Variants in BRAF observed in about 807,000 individuals in gnomAD.
The protein encoded by BRAF is B-Raf proto-oncogene, serine/threonine kinase, also known as serine/threonine-protein kinase B-raf.
In BRAF, 16 loss-of-function variants were observed where a neutral mutation model predicts 104.6. That is an observed-to-expected ratio of 0.15 (90% CI 0.10 to 0.23). BRAF has a LOEUF of 0.23. BRAF is among the 10% of genes least tolerant of loss of function. The pLI is 1.00. For missense variants in BRAF, 541 were observed against 937.3 expected (o/e 0.58, Z 5.52); for synonymous variants, 310 against 341.6 (o/e 0.91, Z 1.02).
intron 1 of BRAF, among the ~76,000 whole-genome samples, chr7:140,853,409 T>C (rs2129076201): frequency 6.6e-6 from 1 of 152,122 alleles, no homozygotes; most frequent in Admixed American, 6.6e-5. Flanking sequence ...TGTCATTCTC[T>C]TGCTCAAAAC....
Position 140,721,965 on chromosome 7 carries a change from A to C in BRAF, c.*4529T>G. The C allele has an allele frequency of 1.6e-6, 2 of 1,220,468 alleles. No homozygotes were observed. The highest frequency in any genetic ancestry group is 2.0e-6 in the Non-Finnish European group (2 of 981,096). 75.6% of individuals were successfully genotyped at this position (1,220,468 alleles called of 1,614,324 possible). A position where few individuals can be genotyped will look rare whatever the true frequency, so the allele number is the denominator to read the frequency against. On this transcript the variant is annotated 3_prime_UTR_variant, in exon 20 of 20. Coordinates refer to ENST00000644969, the MANE Select transcript of BRAF (RefSeq NM_001374258.1). Reference sequence around the variant, plus strand: ...GTCTAGGTTGGCAGCAGTACTCTGGAAACTGATAAAACCAAATTCGGTCCT... The same window carrying C: ...GTCTAGGTTGGCAGCAGTACTCTGGCAACTGATAAAACCAAATTCGGTCCT...
chr7:140,765,904 G>C (rs1242927099), intron 14 of BRAF, among the ~76,000 whole-genome samples: 2 of 143,430 alleles, frequency 1.4e-5, no homozygotes, highest in Non-Finnish European at 3.0e-5. Context: ...ATTCCTCAGG[G>C]ATCTAGAACT....
chr7:140,880,332 GT>G (rs1485868877), intron 1 of BRAF, among the ~76,000 whole-genome samples: 1 of 152,174 alleles, frequency 6.6e-6, no homozygotes, highest in African/African-American at 2.4e-5. Context: ...ATTTCTTCAA[GT>G]TTTACCATGA....
intron 1 of BRAF, among the ~76,000 whole-genome samples, chr7:140,917,161 A>T (rs1817718950): frequency 6.6e-6 from 1 of 152,160 alleles, no homozygotes; most frequent in African/African-American, 2.4e-5. Flanking sequence ...CCCGGGTTCA[A>T]GTGTTTCTCC....
chr7:140,816,407 A>C (rs1804889258), intron 3 of BRAF, among the ~76,000 whole-genome samples: 1 of 152,214 alleles, frequency 6.6e-6, no homozygotes, highest in Non-Finnish European at 1.5e-5. Flanking sequence ...TATTCCATTG[A>C]AACTATTTAT....
At chr7:140,850,859 G>C (rs1809086811) in intron 1 of BRAF, among the ~76,000 whole-genome samples, 1 of 152,124 alleles carries the variant, frequency 6.6e-6, no homozygotes, top group African/African-American at 2.4e-5. Context: ...ATCTGCTTAA[G>C]AACTGGTTCT....
rs1275388154 is a variant in BRAF at position 140,722,216 on chromosome 7, C to T, written c.*4278G>A. 1 of 1,056,118 alleles carries T rather than the reference C, an allele frequency of 9.5e-7. No homozygotes were observed. The highest frequency in any genetic ancestry group is 1.7e-5 in the African/African-American group (1 of 60,594). 65.4% of individuals were successfully genotyped at this position (1,056,118 alleles called of 1,614,324 possible). Reference sequence around the variant, plus strand: ...ATCTGACTATACTAGGGATTATGTGCTTTAAAAAAATAATTTTGTTCACTG... The same window carrying T: ...ATCTGACTATACTAGGGATTATGTGTTTTAAAAAAATAATTTTGTTCACTG... On this transcript the variant is annotated 3_prime_UTR_variant, in exon 20 of 20. Coordinates refer to ENST00000644969, the MANE Select transcript of BRAF (RefSeq NM_001374258.1).
At chr7:140,713,857 G>A in the BRAF span, among the ~76,000 whole-genome samples, 1 of 152,168 alleles carries the variant, frequency 6.6e-6, no homozygotes, top group Non-Finnish European at 1.5e-5. Flanking sequence ...GTCTGTTGGA[G>A]TTTGCTAGAG....
chr7:140,780,607 A>G (rs907199108), intron 12 of BRAF: 5 of 152,186 alleles, frequency 3.3e-5, no homozygotes, highest in African/African-American at 7.2e-5. Context: ...GGTATCTTAC[A>G]CATACTGCTT....
At chr7:140,746,100 G>A (rs1797324374) in intron 17 of BRAF, among the ~76,000 whole-genome samples, 2 of 152,084 alleles carry the variant, frequency 1.3e-5, no homozygotes, top group Non-Finnish European at 2.9e-5. Context: ...ACAGAGAAAA[G>A]CCCAACCTAC....
chr7:140,768,670 A>AT (rs1410122992), intron 14 of BRAF, among the ~76,000 whole-genome samples: 1 of 151,900 alleles, frequency 6.6e-6, no homozygotes, highest in Non-Finnish European at 1.5e-5. Flanking sequence ...ATTAAAAAAA[A>AT]TTTTTTTGTA....
intron 1 of BRAF, among the ~76,000 whole-genome samples, chr7:140,870,925 T>C (rs111764199): frequency 1.0e-4 from 15 of 149,454 alleles, no homozygotes; most frequent in African/African-American, 3.4e-4. Flanking sequence ...GCAAATCACA[T>C]GTTCAAGAGT....
chr7:140,868,020 G>C (rs1469391199), intron 1 of BRAF, among the ~76,000 whole-genome samples: 1 of 152,148 alleles, frequency 6.6e-6, no homozygotes, highest in Non-Finnish European at 1.5e-5. Flanking sequence ...CTTTCTATGA[G>C]AACATGCCTG....
chr7:140,824,415 T>C (rs1003150558), intron 3 of BRAF: 69 of 152,184 alleles, frequency 4.5e-4, no homozygotes, highest in African/African-American at 1.6e-3. Context: ...CTTTACTTCA[T>C]GGAGTGGTCC....
chr7:140,785,145 G>C (rs1801226781), intron 10 of BRAF, among the ~76,000 whole-genome samples: 2 of 151,108 alleles, frequency 1.3e-5, no homozygotes, highest in Non-Finnish European at 1.5e-5. Context: ...CCCTACCTTT[G>C]ACAAAAATAT....
At chr7:140,820,668 A>AG (rs1242156268) in intron 3 of BRAF, among the ~76,000 whole-genome samples, 2 of 152,162 alleles carry the variant, frequency 1.3e-5, no homozygotes, top group Non-Finnish European at 2.9e-5. Flanking sequence ...GGCCAGGTGC[A>AG]GTGGTTCATG....
At chr7:140,808,423 A>G in intron 4 of BRAF, 1 of 405,226 alleles carries the variant, frequency 2.5e-6, no homozygotes, top group East Asian at 6.7e-5. Context: ...AAGAGTACTC[A>G]AGGGACAGGG....
In BRAF at chr7:140,800,325, AG is replaced by A. The variant is rs776050540; in HGVS notation, c.980+36del. 3.1e-6 allele frequency: 5 copies of A among 1,613,730 alleles called. No individual in the cohort carries two copies. The Admixed American group carries it at 8.3e-5, about 27-fold the overall frequency. On this transcript the variant is annotated intron_variant, in intron 7 of 19. Coordinates refer to ENST00000644969, the MANE Select transcript of BRAF (RefSeq NM_001374258.1). The stretch of plus-strand genomic sequence containing the variant: ...AGGAGATCCAAAAGAAAGCGGTTCA[AG>A]TAGCATGTCGCCCAAGAGCAGAAGT...
chr7:140,854,288 T>C (rs1364082312), intron 1 of BRAF, among the ~76,000 whole-genome samples: 2 of 152,236 alleles, frequency 1.3e-5, no homozygotes, highest in African/African-American at 2.4e-5. Flanking sequence ...ATGTTTTCCA[T>C]GTCTATTAGC....
Sources: allele counts gnomAD v4.1 joint callset (sites outside exome capture counted in the v4.1 genomes callset), GRCh38; gene constraint gnomAD v4.1.1; transcripts MANE v1.5; gene names NCBI Gene and HGNC (gene_info 2026-07-23, HGNC 2026-07-21).